The following DGKB variants were observed in gnomAD, a reference collection of about 807,000 sequenced individuals.
The protein encoded by DGKB is diacylglycerol kinase beta.
In DGKB, 67 loss-of-function variants were observed where a neutral mutation model predicts 114.3. That is an observed-to-expected ratio of 0.59 (90% CI 0.48 to 0.72). DGKB has a LOEUF of 0.72. DGKB is among the 30% of genes least tolerant of loss of function. DGKB has a pLI of 0.00. For missense variants in DGKB, 907 were observed against 975.2 expected (o/e 0.93, Z 0.93); for synonymous variants, 398 against 323.1 (o/e 1.23, Z -2.49).
chr7:14,154,712 C>T lies in DGKB; in HGVS notation c.2305-5474G>A, dbSNP rs992862285. Among the ~76,000 whole-genome samples, 17 of 151,674 alleles carry T rather than the reference C, an allele frequency of 1.1e-4. 1 individual carries two copies. The South Asian group carries it at 3.5e-3, about 31-fold the overall frequency. On this transcript the variant is annotated intron_variant, in intron 25 of 25. Coordinates refer to ENST00000402815, the MANE Select transcript of DGKB (RefSeq NM_001350709.2). ...AAAAAAAAACAAACAAACAACAAAGCGTATTTCCAGATATGGAGTAAATAA... is the reference window on the plus strand; with the variant it reads ...AAAAAAAAACAAACAAACAACAAAGTGTATTTCCAGATATGGAGTAAATAA...
chr7:14,735,938 A>T (rs1226044139), intron 5 of DGKB, 103 bp downstream of exon 5: 23 of 749,626 alleles, frequency 3.1e-5, no homozygotes, highest in Non-Finnish European at 4.6e-5. Context: ...CCCTGTAACA[A>T]AACAATTTTT....
chr7:14,454,209 T>C (rs1831945655), intron 21 of DGKB, among the ~76,000 whole-genome samples: 1 of 152,140 alleles, frequency 6.6e-6, no homozygotes, highest in Non-Finnish European at 1.5e-5. Flanking sequence ...ACTATACTTT[T>C]CCTACTGTAG....
intron 13 of DGKB, among the ~76,000 whole-genome samples, chr7:14,654,789 T>C (rs1176663701): frequency 2.6e-5 from 4 of 151,948 alleles, no homozygotes; most frequent in African/African-American, 9.7e-5. Flanking sequence ...AAAGACACCC[T>C]CTATAATAAA....
At chr7:14,571,197 A>G (rs915505135) in intron 20 of DGKB, among the ~76,000 whole-genome samples, 3 of 152,238 alleles carry the variant, frequency 2.0e-5, no homozygotes, top group African/African-American at 7.2e-5. Context: ...AGCCTCAGAT[A>G]AGAACTCTCT....
At chr7:14,702,633 T>C (rs1263047913) in intron 6 of DGKB, among the ~76,000 whole-genome samples, 2 of 152,140 alleles carry the variant, frequency 1.3e-5, no homozygotes, top group Non-Finnish European at 1.5e-5. Flanking sequence ...GACACAGCTG[T>C]AAAAATAGAA....
At chr7:14,895,208 T>C (rs187879794) in intron 1 of DGKB, among the ~76,000 whole-genome samples, 14 of 151,734 alleles carry the variant, frequency 9.2e-5, no homozygotes, top group Admixed American at 7.9e-4. Flanking sequence ...AAAAGCAATG[T>C]GGGAGTTATG....
intron 20 of DGKB, among the ~76,000 whole-genome samples, chr7:14,530,119 T>C (rs1346849325): frequency 6.6e-6 from 1 of 151,636 alleles, no homozygotes; most frequent in Non-Finnish European, 1.5e-5. Flanking sequence ...ATGTCAATAA[T>C]GCTTCTAAAA....
chr7:14,842,011 G>A lies in DGKB; in HGVS notation c.-187-561C>T, dbSNP rs747356509. ...AGTAGATGATTCTATTGTGAATCAC[G>A]CTTTAAAATAAATCTCTAGGTTGTC... On this transcript the variant is annotated intron_variant, in intron 1 of 25. Coordinates refer to ENST00000402815, the MANE Select transcript of DGKB (RefSeq NM_001350709.2). Among the ~76,000 whole-genome samples, 4 of 152,124 alleles carry A rather than the reference G, an allele frequency of 2.6e-5. No individual in the cohort carries two copies. In the South Asian group the frequency reaches 6.2e-4, roughly 24 times the overall value.
Position 14,504,479 on chromosome 7 carries a change from T to C in DGKB, c.1771-26254A>G, listed in dbSNP as rs1365612034. Among the ~76,000 whole-genome samples the C allele has an allele frequency of 2.0e-5, 3 of 152,324 alleles. No individual in the cohort carries two copies. In the South Asian group the frequency reaches 6.2e-4, roughly 32 times the overall value. ...GCTGGAGGTTTACAACTAAGAGGCA[T>C]GTAGAAATGAACTTGTTGACTATTT... On this transcript the variant is annotated intron_variant, in intron 20 of 25. Transcript: ENST00000402815.
chr7:14,845,876 GA>G (rs1158964074), intron 1 of DGKB, among the ~76,000 whole-genome samples: 4 of 149,170 alleles, frequency 2.7e-5, no homozygotes, highest in African/African-American at 9.9e-5. Flanking sequence ...TTTTACAGTT[GA>G]AAATGGGTGG....
intron 16 of DGKB, 30 bp downstream of exon 16, chr7:14,613,310 A>T (rs1462983161): frequency 3.6e-6 from 5 of 1,404,668 alleles, no homozygotes; most frequent in Middle Eastern, 1.8e-4. Context: ...TATACATGAC[A>T]TAGACACTAA....
chr7:14,489,850 A>G (rs555739203), intron 20 of DGKB, among the ~76,000 whole-genome samples: 1 of 152,304 alleles, frequency 6.6e-6, no homozygotes, highest in African/African-American at 2.4e-5. Flanking sequence ...AGGAATGAGA[A>G]TAGATCTCAA....
intron 20 of DGKB, among the ~76,000 whole-genome samples, chr7:14,522,750 T>C (rs934094761): frequency 2.6e-5 from 4 of 152,228 alleles, no homozygotes; most frequent in Admixed American, 6.5e-5. Flanking sequence ...TTTGACAAGT[T>C]TGTCCAGCTT....
intron 21 of DGKB, among the ~76,000 whole-genome samples, chr7:14,360,935 AT>A (rs1174605669): frequency 6.6e-6 from 1 of 152,168 alleles, no homozygotes; most frequent in East Asian, 1.9e-4. Context: ...CATATTACAT[AT>A]GTTTTTCCTA....
chr7:14,334,569 C>G (rs114927167), intron 23 of DGKB, among the ~76,000 whole-genome samples: 1 of 150,708 alleles, frequency 6.6e-6, no homozygotes, highest in East Asian at 1.9e-4. Context: ...TTTTATTGTC[C>G]GCAAATCTGG....
At chr7:14,311,001 G>A (rs539625346) in intron 23 of DGKB, among the ~76,000 whole-genome samples, 73 of 152,022 alleles carry the variant, frequency 4.8e-4, no homozygotes, top group African/African-American at 1.4e-3. Context: ...GGTGGTGTGC[G>A]CCTGCAGTTC....
intron 21 of DGKB, among the ~76,000 whole-genome samples, chr7:14,439,557 T>C (rs1829763179): frequency 6.6e-6 from 1 of 152,078 alleles, no homozygotes; most frequent in South Asian, 2.1e-4. Context: ...TCTTTATGTA[T>C]GTATAGGTCT....
chr7:14,695,896 G>A (rs183385708), intron 8 of DGKB, among the ~76,000 whole-genome samples: 3 of 152,058 alleles, frequency 2.0e-5, no homozygotes, highest in African/African-American at 7.2e-5. Context: ...CCTTAGGCAA[G>A]ATGACAAGGC....
chr7:14,797,176 G>C (rs1028070903), intron 2 of DGKB, among the ~76,000 whole-genome samples: 3 of 152,102 alleles, frequency 2.0e-5, no homozygotes, highest in African/African-American at 7.2e-5. Context: ...AAGCAGCAAA[G>C]TTCTAGGTCA....
Sources: allele counts gnomAD v4.1 joint callset (sites outside exome capture counted in the v4.1 genomes callset), GRCh38; gene constraint gnomAD v4.1.1; transcripts MANE v1.5; gene names NCBI Gene and HGNC (gene_info 2026-07-23, HGNC 2026-07-21).